Variants in TXNDC11 observed in about 807,000 individuals in gnomAD.
TXNDC11 encodes the protein thioredoxin domain containing 11, also known as thioredoxin domain-containing protein 11.
TXNDC11 carries 68 observed loss-of-function variants against 78.0 expected under a neutral mutation model. The ratio of observed to expected loss-of-function variants is 0.87; its 90% CI spans 0.72 to 1.07. The LOEUF (loss-of-function observed/expected upper bound fraction) is 1.07, where lower values mean the gene tolerates loss of function less well. Ranked by LOEUF, TXNDC11 falls within the 50% of genes least tolerant of loss-of-function variation. The pLI is 0.00. For synonymous variants in TXNDC11, 571 were observed against 495.2 expected, an observed-to-expected ratio of 1.15 and a Z score of -2.03; for missense variants, 1,389 against 1,221.8, an observed-to-expected ratio of 1.14 and a Z score of -2.04.
At chr16:11,695,219 G>T (rs1317936384) in intron 7 of TXNDC11, among the ~76,000 whole-genome samples, 1 of 152,182 alleles carries the variant, frequency 6.6e-6, no homozygotes, top group African/African-American at 2.4e-5. Context: ...TTTTGCATGT[G>T]TGTGTGGGTA....
chr16:11,735,931 G>A lies in TXNDC11; in HGVS notation c.471+86C>T, dbSNP rs552106594. 6.7e-5 allele frequency: 91 copies of A among 1,349,148 alleles called. No homozygotes were observed. The South Asian group carries it at 8.0e-4, about 12-fold the overall frequency. 83.6% of individuals were successfully genotyped at this position (1,349,148 alleles called of 1,614,324 possible). A position where few individuals can be genotyped will look rare whatever the true frequency, so the allele number is the denominator to read the frequency against. ...GAGTTCACCTTGGCAAAGTCTGCCC[G>A]TTGGGCAAGGTGTCTCTGTGGGGAC... On this transcript the variant is annotated intron_variant, in intron 2 of 11. Coordinates refer to ENST00000283033, the MANE Select transcript of TXNDC11 (RefSeq NM_015914.7).
intron 5 of TXNDC11, among the ~76,000 whole-genome samples, chr16:11,701,015 G>C (rs754220045): frequency 2.6e-5 from 4 of 151,828 alleles, no homozygotes; most frequent in Non-Finnish European, 5.9e-5. Flanking sequence ...AGGGAAACTG[G>C]GCTCCTGACC....
At position 11,691,487 on chromosome 16, in the gene TXNDC11, T is replaced by C. The variant is rs1246287494; in HGVS notation, c.1703A>G (p.Asn568Ser). 1.9e-6 allele frequency: 3 copies of C among 1,614,032 alleles called. No homozygotes were observed. Among genetic ancestry groups the C allele is most frequent in the Non-Finnish European group, 2.5e-6 (3 of 1,180,024 alleles). Reference protein sequence around the residue: ...LFPEVDMTSTNFTGLSCRTNK... With the variant: ...LFPEVDMTSTSFTGLSCRTNK... ...GGTTCTGCAGCTCAGGCCTGTGAAGTTTGTGCTAGTCATGTCCACTTCTGG... is the reference window on the plus strand; with the variant it reads ...GGTTCTGCAGCTCAGGCCTGTGAAGCTTGTGCTAGTCATGTCCACTTCTGG... The change falls in exon 8 of 12, where the codon AAC becomes AGC. Residue 568 changes from asparagine to serine, a missense_variant. Coordinates refer to ENST00000283033, the MANE Select transcript of TXNDC11 (RefSeq NM_015914.7).
chr16:11,738,411 G>C (rs1476291768), intron 1 of TXNDC11, among the ~76,000 whole-genome samples: 1 of 152,244 alleles, frequency 6.6e-6, no homozygotes, highest in Non-Finnish European at 1.5e-5. Flanking sequence ...CAAGCACTAA[G>C]GCTGCGGCAG....
chr16:11,688,182 T>A (rs1567295265), intron 9 of TXNDC11, 121 bp downstream of exon 9: 1 of 1,105,594 alleles, frequency 9.0e-7, no homozygotes, highest in East Asian at 2.4e-5. Context: ...GGTCCATAAT[T>A]GGGCCATCAC....
At chr16:11,724,679 T>C (rs1019502787) in intron 4 of TXNDC11, among the ~76,000 whole-genome samples, 4 of 152,190 alleles carry the variant, frequency 2.6e-5, no homozygotes, top group Admixed American at 6.5e-5. Flanking sequence ...TCTCTCTATT[T>C]AAATTGGCAG....
intron 10 of TXNDC11, among the ~76,000 whole-genome samples, chr16:11,686,279 G>A (rs951522914): frequency 6.6e-6 from 1 of 152,176 alleles, no homozygotes. Flanking sequence ...ATATTTTTAA[G>A]AAGAGTTGTC....
intron 10 of TXNDC11, among the ~76,000 whole-genome samples, chr16:11,685,547 G>A (rs1212768154): frequency 6.6e-6 from 1 of 151,822 alleles, no homozygotes; most frequent in Non-Finnish European, 1.5e-5. Context: ...TACTCGGGAG[G>A]CTGAGGCAGG....
At chr16:11,715,483 T>C (rs1215816320) in intron 5 of TXNDC11, among the ~76,000 whole-genome samples, 1 of 145,770 alleles carries the variant, frequency 6.9e-6, no homozygotes, top group Non-Finnish European at 1.5e-5. Flanking sequence ...AAAAAAAGAA[T>C]GAACCAGGCA....
chr16:11,720,930 C>T (rs1028820482), intron 5 of TXNDC11, among the ~76,000 whole-genome samples: 5 of 151,458 alleles, frequency 3.3e-5, no homozygotes, highest in Non-Finnish European at 5.9e-5. Flanking sequence ...CTTGTAGAGA[C>T]GGAGTTTTGC....
intron 6 of TXNDC11, among the ~76,000 whole-genome samples, chr16:11,698,526 G>A (rs530560024): frequency 6.6e-6 from 1 of 152,358 alleles, no homozygotes; most frequent in South Asian, 2.1e-4. Flanking sequence ...AAAAGTGGTT[G>A]CAGGAGGTGA....
Position 11,703,667 on chromosome 16 carries a change from T to C in TXNDC11, c.794-3103A>G, listed in dbSNP as rs2051098033. On this transcript the variant is annotated intron_variant, in intron 5 of 11. Coordinates refer to ENST00000283033, the MANE Select transcript of TXNDC11 (RefSeq NM_015914.7). ...AATGACATCCTAATACCAAAGAGCATACCTAGCACGTAGATCTTGGTTTCT... is the reference window on the plus strand; with the variant it reads ...AATGACATCCTAATACCAAAGAGCACACCTAGCACGTAGATCTTGGTTTCT... 4.3e-6 allele frequency: 3 copies of C among 702,708 alleles called. No individual in the cohort carries two copies. In the Middle Eastern group the frequency reaches 7.0e-4, roughly 163 times the overall value. The allele number at this position is 702,708 out of a possible 1,614,324, so 43.5% of individuals were successfully genotyped here.
chr16:11,731,247 G>A (rs1040538197), intron 3 of TXNDC11, among the ~76,000 whole-genome samples: 8 of 152,292 alleles, frequency 5.3e-5, no homozygotes, highest in Non-Finnish European at 8.8e-5. Context: ...CTACTAAAAA[G>A]AAACAGGCAG....
At chr16:11,714,321 G>A (rs1037953675) in intron 5 of TXNDC11, among the ~76,000 whole-genome samples, 7 of 152,114 alleles carry the variant, frequency 4.6e-5, no homozygotes, top group South Asian at 2.1e-4. Context: ...ACCGTGCCCC[G>A]CCAAGATCTT....
intron 8 of TXNDC11, chr16:11,690,840 G>A (rs990079165): frequency 3.7e-5 from 6 of 163,484 alleles, no homozygotes; most frequent in South Asian, 3.4e-4. Flanking sequence ...GATTACAGGC[G>A]TGAGCCACTG....
intron 5 of TXNDC11, among the ~76,000 whole-genome samples, chr16:11,701,056 A>AT (rs1269042765): frequency 7.1e-6 from 1 of 140,390 alleles, no homozygotes; most frequent in Admixed American, 7.2e-5. Flanking sequence ...CAATTACCCT[A>AT]TTTTTTATAG....
intron 5 of TXNDC11, among the ~76,000 whole-genome samples, chr16:11,707,844 A>T (rs1228007587): frequency 6.6e-6 from 1 of 152,008 alleles, no homozygotes. Flanking sequence ...CAGTTTTGAG[A>T]GGCTGAGGCA....
chr16:11,686,249 C>T (rs1373763709), intron 10 of TXNDC11, among the ~76,000 whole-genome samples: 1 of 152,220 alleles, frequency 6.6e-6, no homozygotes, highest in African/African-American at 2.4e-5. Flanking sequence ...TGAGCCACTG[C>T]ACCTCGCCTA....
intron 5 of TXNDC11, among the ~76,000 whole-genome samples, chr16:11,701,356 C>T (rs915376367): frequency 1.3e-5 from 2 of 151,856 alleles, no homozygotes; most frequent in Non-Finnish European, 2.9e-5. Flanking sequence ...AGGGCAGTCT[C>T]GAACTCCTGA....
Sources: allele counts gnomAD v4.1 joint callset (sites outside exome capture counted in the v4.1 genomes callset), GRCh38; gene constraint gnomAD v4.1.1; transcripts MANE v1.5; gene names NCBI Gene and HGNC (gene_info 2026-07-23, HGNC 2026-07-21).